Variants in ECE1 observed in about 807,000 individuals in gnomAD.
ECE1 encodes endothelin converting enzyme 1, also known as endothelin-converting enzyme 1.
In ECE1, 35 loss-of-function variants were observed where a neutral mutation model predicts 98.6. The observed-to-expected ratio is 0.35, with a 90% CI of 0.27 to 0.47. The LOEUF (loss-of-function observed/expected upper bound fraction) is 0.47, where lower values mean the gene tolerates loss of function less well. ECE1 is among the 20% of genes least tolerant of loss of function. The pLI, the probability that ECE1 is intolerant of heterozygous loss-of-function variation, is 1.00. For synonymous variants in ECE1, 394 were observed against 407.1 expected (o/e 0.97, Z 0.39); for missense variants, 814 against 1,025.3 (o/e 0.79, Z 2.81).
intron 1 of ECE1, among the ~76,000 whole-genome samples, chr1:21,331,440 G>A (rs368673900): frequency 6.6e-6 from 1 of 151,974 alleles, no homozygotes; most frequent in African/African-American, 2.4e-5. Context: ...AACTTAGCCG[G>A]GTATGGTGGT....
chr1:21,325,221 C>A (rs1639052922), intron 1 of ECE1, among the ~76,000 whole-genome samples: 1 of 151,870 alleles, frequency 6.6e-6, no homozygotes, highest in South Asian at 2.1e-4. Context: ...CAACCTGGTA[C>A]CTGATGGCTT....
chr1:21,257,023 G>C (rs2098220753), intron 7 of ECE1, among the ~76,000 whole-genome samples: 1 of 152,262 alleles, frequency 6.6e-6, no homozygotes, highest in African/African-American at 2.4e-5. Context: ...ACAAGAGGCA[G>C]GCCAGGGGGA....
intron 8 of ECE1, among the ~76,000 whole-genome samples, chr1:21,254,576 G>A (rs947255777): frequency 3.3e-5 from 5 of 152,284 alleles, no homozygotes; most frequent in African/African-American, 4.8e-5. Flanking sequence ...TGCCTTCTCC[G>A]CTATTCCTGG....
chr1:21,272,970 C>T, intron 3 of ECE1, 59 bp from the exon 4 acceptor site: 1 of 1,594,978 alleles, frequency 6.3e-7, no homozygotes, highest in Non-Finnish European at 8.6e-7. Context: ...GCAGGGAGGG[C>T]AGAGAAGGGG....
In ECE1 at chr1:21,227,175, A is replaced by G. The variant is rs1335143155; in HGVS notation, c.1833T>C (p.His611=). Residue 611 remains histidine (H), a synonymous_variant, in exon 16 of 19, where the codon CAT becomes CAC. Transcript: ENST00000374893. Reference sequence around the variant, plus strand: ...AATTCGTACCTTGATCATCAAAAGCATGAGTCAGCTCATGGCCCACGACGA... The same window carrying G: ...AATTCGTACCTTGATCATCAAAAGCGTGAGTCAGCTCATGGCCCACGACGA... The part of the protein sequence containing the change: ...IGVVVGHELT[H]AFDDQGREYD... 1.2e-6 allele frequency: 2 copies of G among 1,614,124 alleles called. No homozygotes were observed. Among genetic ancestry groups the G allele is most frequent in the South Asian group, 2.2e-5 (2 of 91,090 alleles).
intron 14 of ECE1, among the ~76,000 whole-genome samples, chr1:21,231,365 G>A (rs2098181527): frequency 6.6e-6 from 1 of 151,932 alleles, no homozygotes; most frequent in Non-Finnish European, 1.5e-5. Flanking sequence ...ATTTTGAGAT[G>A]GAGTCTCACT....
intron 1 of ECE1, among the ~76,000 whole-genome samples, chr1:21,339,517 T>C (rs919948043): frequency 6.6e-6 from 1 of 152,128 alleles, no homozygotes; most frequent in African/African-American, 2.4e-5. Context: ...AACTCTGAAA[T>C]AAGGCTCACC....
intron 9 of ECE1, among the ~76,000 whole-genome samples, chr1:21,246,938 G>T (rs181430099): frequency 6.6e-6 from 1 of 152,368 alleles, no homozygotes; most frequent in Non-Finnish European, 1.5e-5. Flanking sequence ...GCAATTACGG[G>T]CGTTCATGCC....
In ECE1 at chr1:21,217,809, G is replaced by A. The variant is rs1470059244; in HGVS notation, c.*2146C>T. ...CCAGGACTGCTGCGTGCTGGGACCA[G>A]GACCTCCATCTGGAATCCACTCTCG... On this transcript the variant is annotated 3_prime_UTR_variant, in exon 19 of 19. Transcript: ENST00000374893. 1 of 152,446 alleles carries A rather than the reference G, an allele frequency of 6.6e-6. No homozygotes were observed. Among genetic ancestry groups the A allele is most frequent in the East Asian group, 1.9e-4 (1 of 5,200 alleles). The allele number at this position is 152,446 out of a possible 1,614,324, so 9.4% of individuals were successfully genotyped here. A position where few individuals can be genotyped will look rare whatever the true frequency, so the allele number is the denominator to read the frequency against.
intron 1 of ECE1, among the ~76,000 whole-genome samples, chr1:21,339,864 A>T (rs1639369390): frequency 6.6e-6 from 1 of 152,018 alleles, no homozygotes; most frequent in Non-Finnish European, 1.5e-5. Context: ...GGCCTGGGGC[A>T]TCCCAGCCAC....
Position 21,225,478 on chromosome 1 carries a change from G to A in ECE1, c.1850-38C>T. 3 of 1,608,004 alleles carry A rather than the reference G, an allele frequency of 1.9e-6. No individual in the cohort carries two copies. Among genetic ancestry groups the A allele is most frequent in the Non-Finnish European group, 2.5e-6 (3 of 1,177,368 alleles). Reference sequence around the variant, plus strand: ...GGGAGGCGTCATGTCAAGGGAGGGAGGGGCACAGCAGGGACCTGCTGCTCC... The same window carrying A: ...GGGAGGCGTCATGTCAAGGGAGGGAAGGGCACAGCAGGGACCTGCTGCTCC... On this transcript the variant is annotated intron_variant, in intron 16 of 18. Coordinates refer to ENST00000374893, the MANE Select transcript of ECE1 (RefSeq NM_001397.3). This position sits in a 1 kb window ranked among gnomAD's most constrained non-coding sequence, Gnocchi z 5.3.
At position 21,225,134 on chromosome 1, in the gene ECE1, C is replaced by T. The variant is rs868598091; in HGVS notation, c.2040+116G>A. On this transcript the variant is annotated intron_variant, in intron 17 of 18. Coordinates refer to ENST00000374893, the MANE Select transcript of ECE1 (RefSeq NM_001397.3). The surrounding 1 kb of genome is among the most constrained non-coding windows in gnomAD (Gnocchi z 5.3). ...ACCCCCAATTTCGCAGAAGAGGAAACGGAAGCTCGCACGGCTGCTGCGCCT... is the reference window on the plus strand; with the variant it reads ...ACCCCCAATTTCGCAGAAGAGGAAATGGAAGCTCGCACGGCTGCTGCGCCT... 12 of 1,387,898 alleles carry T rather than the reference C, an allele frequency of 8.6e-6. No individual in the cohort carries two copies. The highest frequency in any genetic ancestry group is 1.9e-5 in the Admixed American group (1 of 51,590). 86.0% of individuals were successfully genotyped at this position (1,387,898 alleles called of 1,614,324 possible).
At chr1:21,311,749 G>C (rs1053647229) in intron 1 of ECE1, among the ~76,000 whole-genome samples, 1 of 151,720 alleles carries the variant, frequency 6.6e-6, no homozygotes, top group South Asian at 2.1e-4. Flanking sequence ...CTAGGAGGTT[G>C]AGGTTGCAGT....
chr1:21,310,511 A>G (rs1354971121), intron 1 of ECE1, among the ~76,000 whole-genome samples: 1 of 152,220 alleles, frequency 6.6e-6, no homozygotes, highest in Non-Finnish European at 1.5e-5. Flanking sequence ...CCCATGCACC[A>G]CAAGGAATTG....
intron 2 of ECE1, among the ~76,000 whole-genome samples, chr1:21,286,723 G>A (rs28367930): frequency 0.03 from 4,504 of 152,000 alleles, 206 homozygotes; most frequent in African/African-American, 0.1. Flanking sequence ...CCAGGAGTTC[G>A]AGACCAGCCT....
intron 1 of ECE1, among the ~76,000 whole-genome samples, chr1:21,324,134 A>G (rs991376061): frequency 1.3e-5 from 2 of 151,930 alleles, no homozygotes; most frequent in Non-Finnish European, 2.9e-5. Flanking sequence ...TTTTGTTTTT[A>G]AAGAGACAAG....
intron 16 of ECE1, among the ~76,000 whole-genome samples, chr1:21,226,145 A>G (rs2098173924): frequency 6.6e-6 from 1 of 152,174 alleles, no homozygotes; most frequent in Non-Finnish European, 1.5e-5. Context: ...CCAAGGAAGG[A>G]GGCAATGAGG....
At chr1:21,287,756 G>GA (rs1401516472) in intron 2 of ECE1, among the ~76,000 whole-genome samples, 2 of 152,184 alleles carry the variant, frequency 1.3e-5, no homozygotes, top group Non-Finnish European at 2.9e-5. Context: ...TGACAATGTA[G>GA]AAGATGCTGA....
At chr1:21,230,119 T>C (rs925533121) in intron 14 of ECE1, among the ~76,000 whole-genome samples, 22 of 152,156 alleles carry the variant, frequency 1.4e-4, no homozygotes, top group African/African-American at 5.3e-4. Flanking sequence ...GAGGATCACC[T>C]GAGCCTGGGA....
Sources: allele counts gnomAD v4.1 joint callset (sites outside exome capture counted in the v4.1 genomes callset), GRCh38; gene constraint gnomAD v4.1.1; non-coding constraint Gnocchi (gnomAD v3.1); transcripts MANE v1.5; gene names NCBI Gene and HGNC (gene_info 2026-07-23, HGNC 2026-07-21).